FAM81A: variants seen among roughly 807,000 people sequenced by gnomAD.
FAM81A encodes the protein family with sequence similarity 81 member A, also known as protein FAM81A.
Under a neutral mutation model 46.7 loss-of-function variants are expected in FAM81A, and 19 were observed. The ratio of observed to expected loss-of-function variants is 0.41; its 90% CI spans 0.28 to 0.60. FAM81A has a LOEUF of 0.60. Ranked by LOEUF, FAM81A falls within the 20% of genes least tolerant of loss-of-function variation. The pLI is 0.34. For missense variants in FAM81A, 377 were observed against 453.5 expected, an observed-to-expected ratio of 0.83 and a Z score of 1.53; for synonymous variants, 183 against 152.9, an observed-to-expected ratio of 1.20 and a Z score of -1.45.
chr15:59,445,756 T>C (rs1276411168), intron 1 of FAM81A, among the ~76,000 whole-genome samples: 1 of 152,246 alleles, frequency 6.6e-6, no homozygotes, highest in Non-Finnish European at 1.5e-5. Context: ...GCTAGTTTAG[T>C]AGGTAGAGAG....
chr15:59,401,845 C>T (rs1351295691), intron 1 of FAM81A: 1 of 746,528 alleles, frequency 1.3e-6, no homozygotes, highest in East Asian at 2.4e-5. Flanking sequence ...TCAGCATGGC[C>T]CTGTTTATGG....
chr15:59,508,683 T>A (rs1268752207), intron 5 of FAM81A, among the ~76,000 whole-genome samples, 180 bp from the exon 6 acceptor site: 1 of 152,154 alleles, frequency 6.6e-6, no homozygotes, highest in Non-Finnish European at 1.5e-5. Flanking sequence ...CTGGTCTTGA[T>A]TTTCGATGGG....
At chr15:59,434,579 A>G (rs1330191815), upstream of FAM81A, among the ~76,000 whole-genome samples, 1 of 152,208 alleles carries the variant, frequency 6.6e-6, no homozygotes, top group East Asian at 1.9e-4. Flanking sequence ...CTTCTCTGAC[A>G]CTGTCCTCAC....
At chr15:59,449,797 A>C (rs1192103657) in intron 1 of FAM81A, among the ~76,000 whole-genome samples, 10 of 150,646 alleles carry the variant, frequency 6.6e-5, no homozygotes, top group East Asian at 5.8e-4. Context: ...AAAAAAAAAA[A>C]AAAAAAAAAA....
rs921283753 is a variant in FAM81A, at chr15:59,521,348, G to C, written c.1077G>C (p.Gln359His). 2 of 1,612,916 alleles carry C rather than the reference G, an allele frequency of 1.2e-6. No individual in the cohort carries two copies. Among genetic ancestry groups the C allele is most frequent in the Non-Finnish European group, 1.7e-6 (2 of 1,179,358 alleles). The change falls in exon 9 of 9, where the codon CAG (glutamine) becomes CAC (histidine). Residue 359 changes from glutamine (Q) to histidine (H), a missense_variant. Coordinates refer to ENST00000288228, the MANE Select transcript of FAM81A (RefSeq NM_152450.3). ...GGGACCAGCTACAGAAGCAAATCCA[G>C]CTGATGCAGAAGCCAGAGACCCCCA... ...LDRDQLQKQI[Q>H]LMQKPETPM
At chr15:59,462,466 A>G (rs1340018764) in intron 3 of FAM81A, among the ~76,000 whole-genome samples, 1 of 152,106 alleles carries the variant, frequency 6.6e-6, no homozygotes, top group East Asian at 1.9e-4. Flanking sequence ...TGAAATGTCT[A>G]TGTAAGTCTT....
At chr15:59,401,634 T>C in intron 1 of FAM81A, 4 of 906,802 alleles carry the variant, frequency 4.4e-6, no homozygotes, top group South Asian at 4.0e-5. Context: ...GCACATACTT[T>C]AGGCAGAGGG....
chr15:59,437,952 G>A (rs1224727085), upstream of FAM81A, among the ~76,000 whole-genome samples: 1 of 151,938 alleles, frequency 6.6e-6, no homozygotes, highest in Non-Finnish European at 1.5e-5. Context: ...GGCTATTTTG[G>A]GTGTGGGAAC....
chr15:59,480,634 T>TG (rs2081838500), intron 3 of FAM81A, among the ~76,000 whole-genome samples: 1 of 152,184 alleles, frequency 6.6e-6, no homozygotes, highest in South Asian at 2.1e-4. Flanking sequence ...TAGTTTTTCT[T>TG]GCTGCAAGAA....
At position 59,469,043 on chromosome 15, in the gene FAM81A, G is replaced by T. The variant is rs191816583; in HGVS notation, c.294+8837G>T. ...TTTTGAATGAGTATCTTAATCCTGA[G>T]TTCTGATTTGATTGCACTGTGGTCT... On this transcript the variant is annotated intron_variant, in intron 3 of 8. Coordinates refer to ENST00000288228, the MANE Select transcript of FAM81A (RefSeq NM_152450.3). 3.8e-4 allele frequency among the ~76,000 whole-genome samples: 58 copies of T among 152,318 alleles called. 1 individual carries two copies. The highest frequency in any genetic ancestry group is 8.8e-5 in the Non-Finnish European group (6 of 68,044).
intron 4 of FAM81A, among the ~76,000 whole-genome samples, chr15:59,506,154 G>GT (rs138897210): frequency 0.09 from 13,636 of 151,952 alleles, 803 homozygotes; most frequent in Non-Finnish European, 0.13. Flanking sequence ...TTTTTTGTTT[G>GT]TTTGTTTTGT....
intron 2 of FAM81A, among the ~76,000 whole-genome samples, chr15:59,421,725 G>GTCTA (rs1225607720): frequency 6.7e-4 from 92 of 137,406 alleles, no homozygotes; most frequent in African/African-American, 2.1e-3. Context: ...CTGTCTGTCT[G>GTCTA]TCTGTCTATC....
chr15:59,417,096 T>C (rs1239907513), intron 2 of FAM81A, among the ~76,000 whole-genome samples: 1 of 152,068 alleles, frequency 6.6e-6, no homozygotes, highest in Non-Finnish European at 1.5e-5. Flanking sequence ...GTGGTTGCCC[T>C]GAAAGAATCC....
intron 3 of FAM81A, among the ~76,000 whole-genome samples, chr15:59,467,062 C>T (rs1231053846): frequency 1.3e-5 from 2 of 152,114 alleles, no homozygotes; most frequent in East Asian, 1.9e-4. Context: ...TTCCATTGGT[C>T]TATATGTCTG....
At chr15:59,417,731 A>G (rs1204218325) in intron 2 of FAM81A, among the ~76,000 whole-genome samples, 2 of 152,150 alleles carry the variant, frequency 1.3e-5, no homozygotes, top group African/African-American at 2.4e-5. Flanking sequence ...AAATACATAA[A>G]TAAATAAAAA....
intron 2 of FAM81A, among the ~76,000 whole-genome samples, chr15:59,423,902 T>A (rs994977373): frequency 2.0e-5 from 3 of 152,206 alleles, no homozygotes; most frequent in African/African-American, 7.2e-5. Context: ...GTTAACATTT[T>A]CCATTTTTTT....
intron 2 of FAM81A, among the ~76,000 whole-genome samples, chr15:59,420,033 C>G (rs1222734020): frequency 6.6e-6 from 1 of 152,200 alleles, no homozygotes; most frequent in East Asian, 1.9e-4. Flanking sequence ...GAGCCAATGC[C>G]TCATGCATAC....
At chr15:59,461,201 T>C (rs1211230583) in intron 3 of FAM81A, among the ~76,000 whole-genome samples, 1 of 152,244 alleles carries the variant, frequency 6.6e-6, no homozygotes, top group African/African-American at 2.4e-5. Flanking sequence ...ACCACTCATC[T>C]ACTTTCTATC....
chr15:59,450,177 G>T (rs1031676437), intron 1 of FAM81A, among the ~76,000 whole-genome samples: 1 of 146,856 alleles, frequency 6.8e-6, no homozygotes, highest in African/African-American at 2.5e-5. Context: ...GCCATCTGCC[G>T]CCTCGGCCTC....
Sources: allele counts gnomAD v4.1 joint callset (sites outside exome capture counted in the v4.1 genomes callset), GRCh38; gene constraint gnomAD v4.1.1; transcripts MANE v1.5; gene names NCBI Gene and HGNC (gene_info 2026-07-23, HGNC 2026-07-21).